NIBAN2: variants seen among roughly 807,000 people sequenced by gnomAD.
NIBAN2 encodes the protein niban apoptosis regulator 2.
In NIBAN2, 36 loss-of-function variants were observed where a neutral mutation model predicts 81.8. The observed-to-expected ratio is 0.44, with a 90% CI of 0.34 to 0.58. NIBAN2 has a LOEUF of 0.58. NIBAN2 is among the 20% of genes least tolerant of loss of function. The pLI, the probability that NIBAN2 is intolerant of heterozygous loss-of-function variation, is 0.02. For missense variants in NIBAN2, 897 were observed against 1,014.1 expected (o/e 0.88, Z 1.57); for synonymous variants, 445 against 441.6 (o/e 1.01, Z -0.10).
intron 8 of NIBAN2, among the ~76,000 whole-genome samples, chr9:127,512,650 G>A (rs936026464): frequency 6.6e-6 from 1 of 152,126 alleles, no homozygotes; most frequent in African/African-American, 2.4e-5. Context: ...GCTGTGCTCT[G>A]ACCACCTGGG....
At chr9:127,510,073 G>T in intron 9 of NIBAN2, 73 bp downstream of exon 9, 1 of 1,413,644 alleles carries the variant, frequency 7.1e-7, no homozygotes, top group Non-Finnish European at 9.6e-7. Flanking sequence ...CCGGAGTCAC[G>T]CAGCCGGGGC....
intron 1 of NIBAN2, among the ~76,000 whole-genome samples, chr9:127,565,359 G>A (rs1198848874): frequency 1.3e-5 from 2 of 152,226 alleles, no homozygotes; most frequent in Non-Finnish European, 2.9e-5. Context: ...AAGGAGTAGA[G>A]GATTTCTTTC....
At chr9:127,557,919 C>T (rs1203245053) in intron 1 of NIBAN2, among the ~76,000 whole-genome samples, 2 of 152,106 alleles carry the variant, frequency 1.3e-5, no homozygotes, top group Admixed American at 6.5e-5. Context: ...GAACTGAGGC[C>T]CAGAGGAGAG....
intron 1 of NIBAN2, among the ~76,000 whole-genome samples, chr9:127,562,478 T>C (rs925072354): frequency 6.6e-6 from 1 of 152,226 alleles, no homozygotes; most frequent in Non-Finnish European, 1.5e-5. Flanking sequence ...CTATCAACCA[T>C]GTCTTCAGAC....
chr9:127,531,918 C>T (rs777960731), intron 1 of NIBAN2, 140 bp from the exon 2 acceptor site: 20 of 1,171,990 alleles, frequency 1.7e-5, no homozygotes, highest in African/African-American at 7.7e-5. Flanking sequence ...CGCTCATCTG[C>T]GCTGCATTTC....
rs372955681 is a variant in NIBAN2 at position 127,526,897 on chromosome 9, A to G, written c.315+297T>C. On this transcript the variant is annotated intron_variant, in intron 3 of 13. Transcript: ENST00000373312. ...GTGGCAGGAGGAACGCCCTGGAGCC[A>G]GCTGGAGGGACTGAAGAGAGATTAG... 2.0e-5 allele frequency among the ~76,000 whole-genome samples: 3 copies of G among 152,174 alleles called. No individual in the cohort carries two copies. The East Asian group carries it at 5.8e-4, about 29-fold the overall frequency.
At chr9:127,520,745 G>A (rs952509614) in intron 5 of NIBAN2, among the ~76,000 whole-genome samples, 29 of 152,122 alleles carry the variant, frequency 1.9e-4, no homozygotes, top group South Asian at 1.4e-3. Context: ...TTAGCCAGGT[G>A]TGGTGGCACA....
intron 2 of NIBAN2, among the ~76,000 whole-genome samples, chr9:127,529,987 G>A (rs547763006): frequency 8.5e-5 from 13 of 152,252 alleles, no homozygotes; most frequent in South Asian, 2.1e-4. Context: ...GAGGCCTCAC[G>A]CAGAGGAAAT....
chr9:127,575,210 C>T (rs1837993636), intron 1 of NIBAN2, among the ~76,000 whole-genome samples: 1 of 150,088 alleles, frequency 6.7e-6, no homozygotes, highest in South Asian at 2.1e-4. Flanking sequence ...TCCCACCTCA[C>T]AGCTTATGAA....
intron 1 of NIBAN2, among the ~76,000 whole-genome samples, chr9:127,547,761 C>T (rs1588177634): frequency 6.7e-6 from 1 of 150,254 alleles, no homozygotes; most frequent in South Asian, 2.1e-4. Context: ...CGCTTGAACC[C>T]TAGAGGTGGA....
intron 1 of NIBAN2, among the ~76,000 whole-genome samples, chr9:127,575,292 G>C (rs930949522): frequency 5.3e-5 from 8 of 149,960 alleles, no homozygotes; most frequent in Non-Finnish European, 1.2e-4. Context: ...GCAGTGGTGC[G>C]ATCTCGGCTC....
chr9:127,579,031 T>C (rs558985572), upstream of NIBAN2: 8 of 1,161,824 alleles, frequency 6.9e-6, no homozygotes, highest in Non-Finnish European at 1.0e-5. Context: ...GCTGAGCCAG[T>C]GCCGGACAGT....
chr9:127,525,828 G>C (rs1195336214), intron 3 of NIBAN2, among the ~76,000 whole-genome samples: 1 of 152,174 alleles, frequency 6.6e-6, no homozygotes, highest in Non-Finnish European at 1.5e-5. Context: ...TCCAGAGCCT[G>C]GGGTATTTGA....
chr9:127,527,405 G>T, intron 2 of NIBAN2, 83 bp from the exon 3 acceptor site: 1 of 1,316,236 alleles, frequency 7.6e-7, no homozygotes, highest in Non-Finnish European at 1.1e-6. Context: ...AGCCAGCAGA[G>T]CCTGTGTGCG....
At chr9:127,542,991 C>T (rs1368801174) in intron 1 of NIBAN2, among the ~76,000 whole-genome samples, 1 of 152,228 alleles carries the variant, frequency 6.6e-6, no homozygotes, top group Non-Finnish European at 1.5e-5. Flanking sequence ...TCCCAAAGTG[C>T]TGGGGTTACA....
chr9:127,516,408 G>A (rs1248141242), intron 8 of NIBAN2, among the ~76,000 whole-genome samples: 2 of 152,184 alleles, frequency 1.3e-5, no homozygotes, highest in Non-Finnish European at 2.9e-5. Flanking sequence ...AGCCGGGCAT[G>A]GTGGCGCGCG....
Position 127,565,929 on chromosome 9 carries a change from G to GTCTCTC in NIBAN2, c.55+2885_55+2890dup, listed in dbSNP as rs746193186. 3.5e-3 allele frequency among the ~76,000 whole-genome samples: 482 copies of GTCTCTC among 138,700 alleles called. 4 individuals are homozygous for GTCTCTC. The East Asian group carries it at 0.044, about 13-fold the overall frequency. The allele number at this position is 138,700 out of a possible 152,430, so 91.0% of individuals were successfully genotyped here. ...AACCTGGGCAACATAGGGAGACCCT[G>GTCTCTC]TCTCTCTCTCTCTCTCTCACACACA... On this transcript the variant is annotated intron_variant, in intron 1 of 13. Transcript: ENST00000373312.
At chr9:127,568,640 G>A (rs990605159) in intron 1 of NIBAN2, among the ~76,000 whole-genome samples, 180 bp downstream of exon 1, 2 of 152,096 alleles carry the variant, frequency 1.3e-5, no homozygotes, top group Non-Finnish European at 2.9e-5. Context: ...AGCGCGGGAA[G>A]GGGCGCCCAG....
intron 1 of NIBAN2, among the ~76,000 whole-genome samples, chr9:127,575,824 T>C (rs1360713043): frequency 6.6e-6 from 1 of 152,140 alleles, no homozygotes; most frequent in Admixed American, 6.6e-5. Context: ...CCACCGTGCC[T>C]GGCTGTGTGA....
Sources: gnomAD v4.1 joint callset for allele counts (sites outside exome capture counted in the v4.1 genomes callset) on GRCh38, gnomAD v4.1.1 for gene constraint, MANE v1.5 for transcripts, NCBI Gene and HGNC (gene_info 2026-07-23, HGNC 2026-07-21) for gene names.